The following USH1C variants were observed in gnomAD, a reference collection of about 807,000 sequenced individuals.
USH1C encodes harmonin.
Under a neutral mutation model 119.3 loss-of-function variants are expected in USH1C, and 90 were observed. That is an observed-to-expected ratio of 0.75 (90% CI 0.64 to 0.90). The LOEUF (loss-of-function observed/expected upper bound fraction) is 0.90, where lower values mean the gene tolerates loss of function less well. USH1C is among the 40% of genes least tolerant of loss of function. USH1C has a pLI of 0.00. For missense variants in USH1C, 1,165 were observed against 1,167.7 expected (o/e 1.00, Z 0.03); for synonymous variants, 465 against 443.3 (o/e 1.05, Z -0.62).
intron 25 of USH1C, among the ~76,000 whole-genome samples, chr11:17,496,192 G>T (rs1849243571): frequency 6.6e-6 from 1 of 151,940 alleles, no homozygotes; most frequent in South Asian, 2.1e-4. Context: ...GTGAAAGAAA[G>T]ACAGAGAGGG....
intron 1 of USH1C, chr11:17,533,692 A>G (rs1311541476): frequency 2.1e-6 from 1 of 485,570 alleles, no homozygotes. Context: ...TGTGTCATCC[A>G]TGGCCAGAAG....
Position 17,520,886 on chromosome 11 carries a change from G to A in USH1C, c.1194C>T (p.Pro398=), listed in dbSNP as rs1207622880. The A allele has an allele frequency of 1.2e-6, 2 of 1,614,134 alleles. No homozygotes were observed. The highest frequency in any genetic ancestry group is 1.3e-5 in the African/African-American group (1 of 75,034). ...GAAACTTACACTTTGGCTTGCGAAG[G>A]GGTACTGGGTGTACCTCAGCAGTGA... ...KTITAEVHPV[P]LRKPKSFGWF... is the part of the protein sequence containing the mutation. Residue 398 remains proline (P), a synonymous_variant, in exon 14 of 27, where the codon CCC becomes CCT. Coordinates refer to ENST00000005226, the MANE Select transcript of USH1C (RefSeq NM_153676.4).
At chr11:17,534,946 A>G (rs1409283601) in intron 1 of USH1C, among the ~76,000 whole-genome samples, 1 of 151,016 alleles carries the variant, frequency 6.6e-6, no homozygotes, top group Non-Finnish European at 1.5e-5. Context: ...GTGGTACTAA[A>G]TCTTAGGGTG....
chr11:17,494,209 G>A lies in USH1C; in HGVS notation c.*123C>T. The A allele has an allele frequency of 3.1e-6, 4 of 1,278,786 alleles. No homozygotes were observed. Among genetic ancestry groups the A allele is most frequent in the Non-Finnish European group, 4.4e-6 (4 of 899,818 alleles). 79.2% of individuals were successfully genotyped at this position (1,278,786 alleles called of 1,614,324 possible). ...TGGCCCTGGTTCAGGGCCAAAGGGA[G>A]TTTGAGATTCCTGGGTGATAGATTC... is the stretch of plus-strand genomic sequence containing the variant. On this transcript the variant is annotated 3_prime_UTR_variant, in exon 27 of 27. Transcript: ENST00000005226.
In USH1C at chr11:17,501,924, A is replaced by G; in HGVS notation, c.2226+15T>C. On this transcript the variant is annotated intron_variant, in intron 21 of 26. Coordinates refer to ENST00000005226, the MANE Select transcript of USH1C (RefSeq NM_153676.4). ...CCTGGGGTTACTTGTCCAGGAGAGA[A>G]GCGTCATCTCTTACCATAGAGTAGG... is the stretch of plus-strand genomic sequence containing the variant. The G allele has an allele frequency of 6.2e-7, 1 of 1,613,220 alleles. No individual in the cohort carries two copies.
intron 15 of USH1C, among the ~76,000 whole-genome samples, chr11:17,514,877 G>T (rs1187957295): frequency 6.6e-6 from 1 of 151,852 alleles, no homozygotes; most frequent in Admixed American, 6.6e-5. Flanking sequence ...AAGGAATAGG[G>T]GAAAGGCAAC....
chr11:17,514,259 C>T (rs1850033991), intron 15 of USH1C, among the ~76,000 whole-genome samples: 1 of 152,186 alleles, frequency 6.6e-6, no homozygotes, highest in Non-Finnish European at 1.5e-5. Flanking sequence ...TGCTCTGTCA[C>T]CCAGGCTGGA....
intron 12 of USH1C, among the ~76,000 whole-genome samples, chr11:17,521,893 A>G (rs1850428985): frequency 6.6e-6 from 1 of 152,220 alleles, no homozygotes; most frequent in Non-Finnish European, 1.5e-5. Context: ...CAGTGGTGCG[A>G]TATCAGCTCA....
In USH1C at chr11:17,531,445, G is replaced by GT; in HGVS notation, c.201dup (p.Leu68ThrfsTer8). 1 of 1,614,136 alleles carries GT rather than the reference G, an allele frequency of 6.2e-7. No individual in the cohort carries two copies. The highest frequency in any genetic ancestry group is 8.5e-7 in the Non-Finnish European group (1 of 1,180,014). On this transcript the variant is annotated frameshift_variant, in exon 3 of 27. Coordinates refer to ENST00000005226, the MANE Select transcript of USH1C (RefSeq NM_153676.4). LOFTEE classifies it high-confidence loss of function. The surrounding 1 kb of genome is among the most constrained non-coding windows in gnomAD (Gnocchi z 4.2). ...TGATCATATTCCACCTGGTGCTTCA[G>GT]TGGGATCAGCGGCCGAATGGCATCA...
intron 1 of USH1C, 38 bp downstream of exon 1, chr11:17,544,234 C>T (rs1026401064): frequency 4.3e-6 from 7 of 1,613,628 alleles, no homozygotes; most frequent in Admixed American, 1.7e-5. Flanking sequence ...CCCAGGACTC[C>T]GGAGTCCCAG....
In USH1C at chr11:17,521,940, T is replaced by C. The variant is rs542153560; in HGVS notation, c.1020-529A>G. On this transcript the variant is annotated intron_variant, in intron 12 of 26. Coordinates refer to ENST00000005226, the MANE Select transcript of USH1C (RefSeq NM_153676.4). ...GCCTCCCAGGTTCAAGTGATTCTCA[T>C]GTCTCAGCCTCCCGAGAAGCTGGGA... is the stretch of plus-strand genomic sequence containing the variant. Among the ~76,000 whole-genome samples the C allele has an allele frequency of 2.6e-5, 4 of 152,302 alleles. No individual in the cohort carries two copies. In the East Asian group the frequency reaches 7.7e-4, roughly 29 times the overall value.
intron 26 of USH1C, 112 bp downstream of exon 26, chr11:17,495,457 C>T (rs1423523637): frequency 8.8e-7 from 1 of 1,139,972 alleles, no homozygotes; most frequent in African/African-American, 1.5e-5. Flanking sequence ...GGGATGGCGC[C>T]TTGTGTACCC....
chr11:17,528,488 G>T (rs113225561), intron 4 of USH1C, among the ~76,000 whole-genome samples: 3 of 152,258 alleles, frequency 2.0e-5, no homozygotes, highest in African/African-American at 7.2e-5. Context: ...ACAGAGACTG[G>T]CTCCTGGAGA....
At position 17,531,020 on chromosome 11, in the gene USH1C, C is replaced by T. The variant is rs1020894839; in HGVS notation, c.387+134G>A. 42 of 1,394,820 alleles carry T rather than the reference C, an allele frequency of 3.0e-5. No individual in the cohort carries two copies. In the Middle Eastern group the frequency reaches 7.4e-4, roughly 25 times the overall value. The allele number at this position is 1,394,820 out of a possible 1,614,324, so 86.4% of individuals were successfully genotyped here. On this transcript the variant is annotated intron_variant, in intron 4 of 26. Transcript: ENST00000005226. The surrounding 1 kb of genome is among the most constrained non-coding windows in gnomAD (Gnocchi z 4.2). ...GAGCCTAAGAACACCCATCAGGATG[C>T]GCCAGCCTCTTCTTCACCCGAAGGC...
At chr11:17,499,993 TCCACAAAGGG>T (rs1350732716) in intron 23 of USH1C, among the ~76,000 whole-genome samples, 2 of 152,056 alleles carry the variant, frequency 1.3e-5, no homozygotes, top group Non-Finnish European at 2.9e-5. Context: ...CACCTACATC[TCCACAAAGGG>T]CCACAAAGGA....
At chr11:17,497,027 C>A in intron 24 of USH1C, 1 of 544,036 alleles carries the variant, frequency 1.8e-6, no homozygotes. Context: ...GCTGCAAGGC[C>A]CTTGAATGAC....
chr11:17,499,974 C>T (rs181966165), intron 23 of USH1C, among the ~76,000 whole-genome samples: 1 of 152,194 alleles, frequency 6.6e-6, no homozygotes, highest in Non-Finnish European at 1.5e-5. Context: ...GGGGCTCCTC[C>T]TCCAAGGGCA....
At position 17,531,485 on chromosome 11, in the gene USH1C, G is replaced by T. The variant is rs767509662; in HGVS notation, c.162C>A (p.Ser54Arg). The change falls in exon 3 of 27, where the codon AGC (serine) becomes AGA (arginine). Residue 54 changes from serine to arginine, a missense_variant. Ser to Arg is a moderately radical substitution (Grantham distance 110). Transcript: ENST00000005226. This position sits in a 1 kb window ranked among gnomAD's most constrained non-coding sequence, Gnocchi z 4.2. ...GAATGGCATCAAACAGAGGCAGACG[G>T]CTGGGTTCATTGATGACCAGCTTCA... is the stretch of plus-strand genomic sequence containing the variant. Reference protein sequence around the residue: ...GDLKLVINEPSRLPLFDAIRP... With the variant: ...GDLKLVINEPRRLPLFDAIRP... 1.9e-6 allele frequency: 3 copies of T among 1,613,876 alleles called. No individual in the cohort carries two copies. Among genetic ancestry groups the T allele is most frequent in the South Asian group, 1.1e-5 (1 of 91,070 alleles).
Position 17,496,858 on chromosome 11 carries a change from G to A in USH1C, c.2491-45C>T, listed in dbSNP as rs371176422. The A allele has an allele frequency of 7.5e-6, 12 of 1,606,660 alleles. No homozygotes were observed. The African/African-American group carries it at 1.6e-4, about 21-fold the overall frequency. On this transcript the variant is annotated intron_variant, in intron 24 of 26. Transcript: ENST00000005226. ...GACTCTGGGGCACACTCAGTTGGAT[G>A]GTGCATCTGCCCCGGCACTCCATCC...
Sources: gnomAD v4.1 joint callset for allele counts (sites outside exome capture counted in the v4.1 genomes callset) on GRCh38, gnomAD v4.1.1 for gene constraint, Gnocchi (gnomAD v3.1) non-coding constraint, MANE v1.5 for transcripts, NCBI Gene and HGNC (gene_info 2026-07-23, HGNC 2026-07-21) for gene names.